The following PIK3R3 variants were observed in gnomAD, a reference collection of about 807,000 sequenced individuals.
PIK3R3 encodes the protein phosphoinositide-3-kinase regulatory subunit 3, also known as phosphatidylinositol 3-kinase regulatory subunit gamma.
A neutral mutation model predicts 62.9 loss-of-function variants in PIK3R3; 64 were observed. The observed-to-expected ratio is 1.02, with a 90% CI of 0.83 to 1.25. The LOEUF (loss-of-function observed/expected upper bound fraction) is 1.25. PIK3R3 is among the 50% of genes most tolerant of loss of function. The pLI is 0.00. For missense variants in PIK3R3, 614 were observed against 561.6 expected, an observed-to-expected ratio of 1.09 and a Z score of -0.94; for synonymous variants, 165 against 189.0, an observed-to-expected ratio of 0.87 and a Z score of 1.04.
chr1:46,074,803 G>T (rs190962062), intron 3 of PIK3R3, among the ~76,000 whole-genome samples: 1 of 152,288 alleles, frequency 6.6e-6, no homozygotes, highest in East Asian at 1.9e-4. Flanking sequence ...CAAACGTATA[G>T]AATTCCATCT....
chr1:46,092,000 G>A (rs1435789806), intron 1 of PIK3R3, among the ~76,000 whole-genome samples: 1 of 151,826 alleles, frequency 6.6e-6, no homozygotes, highest in African/African-American at 2.4e-5. Flanking sequence ...ACAGTTGTTT[G>A]TTATTTCAAT....
rs555368558 is a variant in PIK3R3 at position 46,121,314 on chromosome 1, A to T, written c.106+10533T>A. Among the ~76,000 whole-genome samples the T allele has an allele frequency of 5.3e-5, 8 of 152,364 alleles. No homozygotes were observed. In the East Asian group the frequency reaches 1.3e-3, roughly 26 times the overall value. On this transcript the variant is annotated intron_variant, in intron 1 of 9. Coordinates refer to ENST00000262741, the MANE Select transcript of PIK3R3 (RefSeq NM_003629.4). Reference sequence around the variant, plus strand: ...AGAAGTTCAACATAAATTAGACCATATTGAGTGACCCTGTTGTAAAAAGGT... The same window carrying T: ...AGAAGTTCAACATAAATTAGACCATTTTGAGTGACCCTGTTGTAAAAAGGT...
the PIK3R3 span, among the ~76,000 whole-genome samples, chr1:46,163,675 G>A: frequency 1.3e-5 from 2 of 152,074 alleles, no homozygotes; most frequent in African/African-American, 4.8e-5. Flanking sequence ...CTCCCCCAAG[G>A]AACCATGGCC....
At chr1:46,074,971 A>G (rs1422407388) in intron 3 of PIK3R3, among the ~76,000 whole-genome samples, 2 of 152,188 alleles carry the variant, frequency 1.3e-5, no homozygotes, top group Non-Finnish European at 2.9e-5. Context: ...CTTAGGGCAT[A>G]TTTAGAAGCT....
intron 1 of PIK3R3, among the ~76,000 whole-genome samples, chr1:46,091,878 T>C (rs1308757120): frequency 1.3e-5 from 2 of 152,250 alleles, no homozygotes; most frequent in Non-Finnish European, 2.9e-5. Flanking sequence ...TCTAATACAA[T>C]GTAAAGGCTA....
intron 7 of PIK3R3, 31 bp downstream of exon 7, chr1:46,055,764 C>A: frequency 6.8e-7 from 1 of 1,467,342 alleles, no homozygotes; most frequent in South Asian, 1.3e-5. Context: ...GCACTAACGT[C>A]TCCCTCCCCA....
intron 1 of PIK3R3, among the ~76,000 whole-genome samples, chr1:46,088,252 G>T (rs1409220446): frequency 6.6e-6 from 1 of 151,812 alleles, no homozygotes; most frequent in Non-Finnish European, 1.5e-5. Flanking sequence ...AAAAGAAACA[G>T]ATAAAATGGT....
chr1:46,057,188 A>G (rs977826656), intron 6 of PIK3R3: 18 of 152,882 alleles, frequency 1.2e-4, no homozygotes, highest in Non-Finnish European at 2.9e-5. Flanking sequence ...CATCTTCCTC[A>G]TTCTCTCTTT....
chr1:46,057,882 G>A (rs904528607), intron 6 of PIK3R3, among the ~76,000 whole-genome samples: 8 of 152,094 alleles, frequency 5.3e-5, no homozygotes, highest in Non-Finnish European at 8.8e-5. Context: ...AATTCAAGCC[G>A]GCTGCAGAAA....
At chr1:46,054,581 T>C (rs1473231353) in intron 7 of PIK3R3, among the ~76,000 whole-genome samples, 2 of 152,122 alleles carry the variant, frequency 1.3e-5, no homozygotes, top group African/African-American at 2.4e-5. Flanking sequence ...GTAGTTTGAA[T>C]TGAGTGGTGT....
upstream of PIK3R3, among the ~76,000 whole-genome samples, chr1:46,133,226 GAAA>G (rs1655782018): frequency 1.3e-5 from 2 of 152,320 alleles, no homozygotes; most frequent in Admixed American, 6.5e-5. Flanking sequence ...AAAAAAGAAA[GAAA>G]GAAAGGAAGA....
intron 1 of PIK3R3, among the ~76,000 whole-genome samples, chr1:46,110,707 A>G (rs557009938): frequency 1.3e-5 from 2 of 152,016 alleles, no homozygotes; most frequent in South Asian, 4.2e-4. Flanking sequence ...CATTCAATAA[A>G]TATTTGTTGA....
rs372154832 is a variant in PIK3R3, at chr1:46,062,075, C to T, written c.622-4G>A. 34 of 1,586,196 alleles carry T rather than the reference C, an allele frequency of 2.1e-5. 1 individual carries two copies. The highest frequency in any genetic ancestry group is 2.7e-5 in the Non-Finnish European group (32 of 1,172,778). On this transcript the variant is annotated splice_polypyrimidine_tract_variant and splice_region_variant and intron_variant, in intron 5 of 9. Coordinates refer to ENST00000262741, the MANE Select transcript of PIK3R3 (RefSeq NM_003629.4). ...CAGTCCTCTTCATCTGTATTTCCTA[C>T]AGGAGAGAAAAAGAAAAAACACAGG... is the stretch of plus-strand genomic sequence containing the variant.
chr1:46,144,866 T>C, the PIK3R3 span, among the ~76,000 whole-genome samples: 3 of 151,812 alleles, frequency 2.0e-5, no homozygotes, highest in African/African-American at 7.3e-5. Context: ...GGCTCATGGC[T>C]GTAATCCCAG....
the PIK3R3 span, among the ~76,000 whole-genome samples, chr1:46,152,551 G>A: frequency 2.7e-5 from 4 of 148,262 alleles, no homozygotes; most frequent in South Asian, 6.6e-4. Context: ...ATTGTACGCT[G>A]ATTAACATCT....
chr1:46,143,441 G>GTGTTTGCT, the PIK3R3 span, among the ~76,000 whole-genome samples: 1 of 151,670 alleles, frequency 6.6e-6, no homozygotes, highest in Non-Finnish European at 1.5e-5. Flanking sequence ...TTAGGTTTGA[G>GTGTTTGCT]TGTTTTGTTT....
At chr1:46,075,282 C>T (rs547534794) in intron 3 of PIK3R3, among the ~76,000 whole-genome samples, 23 of 152,148 alleles carry the variant, frequency 1.5e-4, no homozygotes, top group Admixed American at 4.6e-4. Context: ...GAGCCAATTC[C>T]GGGAACCCCA....
chr1:46,108,791 G>GC (rs907368069), intron 1 of PIK3R3, among the ~76,000 whole-genome samples: 2 of 152,082 alleles, frequency 1.3e-5, no homozygotes, highest in African/African-American at 4.8e-5. Context: ...AAATCACACA[G>GC]CCCTAAATAT....
At chr1:46,106,756 T>C (rs1425778928) in intron 1 of PIK3R3, among the ~76,000 whole-genome samples, 1 of 152,116 alleles carries the variant, frequency 6.6e-6, no homozygotes, top group Non-Finnish European at 1.5e-5. Context: ...CTTTATGATA[T>C]CCACAGATTG....
Sources: gnomAD v4.1 joint callset for allele counts (sites outside exome capture counted in the v4.1 genomes callset) on GRCh38, gnomAD v4.1.1 for gene constraint, MANE v1.5 for transcripts, NCBI Gene and HGNC (gene_info 2026-07-23, HGNC 2026-07-21) for gene names.